ERP27: variants seen among roughly 807,000 people sequenced by gnomAD.
ERP27 encodes the protein endoplasmic reticulum protein 27, also known as endoplasmic reticulum resident protein 27.
A neutral mutation model predicts 27.7 loss-of-function variants in ERP27; 23 were observed. The ratio of observed to expected loss-of-function variants is 0.83; its 90% CI spans 0.60 to 1.18. ERP27 has a LOEUF of 1.18. ERP27 is among the 50% of genes most tolerant of loss of function. The pLI is 0.00. For synonymous variants in ERP27, 159 were observed against 118.3 expected, an observed-to-expected ratio of 1.34 and a Z score of -2.23; for missense variants, 363 against 327.9, an observed-to-expected ratio of 1.11 and a Z score of -0.83.
chr12:14,937,882 G>A (rs1332565545), intron 2 of ERP27, 70 bp downstream of exon 2: 1 of 1,295,220 alleles, frequency 7.7e-7, no homozygotes, highest in African/African-American at 1.5e-5. Flanking sequence ...GCCAGCAGCA[G>A]GTGGCTGCTG....
intron 1 of ERP27, 130 bp downstream of exon 1, chr12:14,938,285 G>T: frequency 1.2e-6 from 1 of 802,894 alleles, no homozygotes; most frequent in Non-Finnish European, 1.9e-6. Context: ...CAGGCAAAAT[G>T]CACTTATCCA....
rs371031188 is a variant in ERP27, at chr12:14,927,347, G to GTA, written c.334-6301_334-6300dup. Among the ~76,000 whole-genome samples, 773 of 149,858 alleles carry GTA rather than the reference G, an allele frequency of 5.2e-3. 4 individuals are homozygous for GTA. The highest frequency in any genetic ancestry group is 0.011 in the African/African-American group (468 of 40,904). ...TGCGTGTGTGCATGTGTGTGTGTGT[G>GTA]TATATATATATATATATCTAAAATC... On this transcript the variant is annotated intron_variant, in intron 3 of 6. Transcript: ENST00000266397.
At chr12:14,937,049 G>A (rs971994992) in intron 2 of ERP27, among the ~76,000 whole-genome samples, 3 of 152,134 alleles carry the variant, frequency 2.0e-5, no homozygotes, top group African/African-American at 7.2e-5. Flanking sequence ...GCATCTGGCG[G>A]CTGTTTAAGT....
At chr12:14,918,674 G>T (rs940630419) in intron 4 of ERP27, among the ~76,000 whole-genome samples, 1 of 152,196 alleles carries the variant, frequency 6.6e-6, no homozygotes, top group Non-Finnish European at 1.5e-5. Flanking sequence ...GGATGGGGAA[G>T]GGCACAGCTA....
chr12:14,923,288 T>A (rs1271907905), intron 3 of ERP27, among the ~76,000 whole-genome samples: 1 of 152,066 alleles, frequency 6.6e-6, no homozygotes, highest in Non-Finnish European at 1.5e-5. Context: ...AAACGCTGGC[T>A]CATCTAGGTC....
intron 3 of ERP27, among the ~76,000 whole-genome samples, chr12:14,927,347 G>GTGTGTA (rs1863619070): frequency 6.7e-6 from 1 of 149,840 alleles, no homozygotes; most frequent in African/African-American, 2.4e-5. Context: ...GTGTGTGTGT[G>GTGTGTA]TATATATATA....
At chr12:14,926,199 A>G (rs1863599919) in intron 3 of ERP27, among the ~76,000 whole-genome samples, 1 of 152,232 alleles carries the variant, frequency 6.6e-6, no homozygotes, top group African/African-American at 2.4e-5. Context: ...GAATTATTAA[A>G]TCTGTCTGGC....
chr12:14,924,665 T>A (rs1021729194), intron 3 of ERP27, among the ~76,000 whole-genome samples: 1 of 152,138 alleles, frequency 6.6e-6, no homozygotes, highest in African/African-American at 2.4e-5. Context: ...GCTCCTTTTC[T>A]CCCCAGAATG....
Position 14,938,427 on chromosome 12 carries a change from C to G in ERP27, c.82G>C (p.Glu28Gln). 6.2e-7 allele frequency: 1 copy of G among 1,614,100 alleles called. No individual in the cohort carries two copies. The highest frequency in any genetic ancestry group is 1.1e-5 in the South Asian group (1 of 91,080). ...ATTTTTCTTTTACCTGAGGATTTCT[C>G]AACTTCTGCAGCAACTTCTGCAGCC... The part of the protein sequence containing the change: ...ELAAEVAAEV[E>Q]KSSDGPGAAQ... Residue 28 changes from glutamate to glutamine, a missense_variant, in exon 1 of 7, where the codon GAG becomes CAG. Physicochemically the swap from Glu to Gln is conservative, Grantham distance 29. Transcript: ENST00000266397.
chr12:14,914,765 T>C lies in ERP27; in HGVS notation c.792A>G (p.Ser264=), dbSNP rs544941716. The C allele has an allele frequency of 2.5e-6, 4 of 1,613,892 alleles. No individual in the cohort carries two copies. The highest frequency in any genetic ancestry group is 2.7e-5 in the African/African-American group (2 of 75,070). ...SGKLLKENRE[S]EGKTPKVEL is the part of the protein sequence containing the mutation. ...GTTCCACCTTTGGAGTCTTTCCTTC[T>C]GATTCACGATTTTCTTTCTGGAAAA... Residue 264 remains serine (S), a synonymous_variant, in exon 7 of 7, where the codon TCA becomes TCG. Transcript: ENST00000266397.
rs184835786 is a variant in ERP27 at position 14,936,621 on chromosome 12, G to C, written c.195+1331C>G. ...ATCCCCATAATCCCCACATGTCAAG[G>C]GTGGGACCAGGTGGCAGTAATGGGA... On this transcript the variant is annotated intron_variant, in intron 2 of 6. Coordinates refer to ENST00000266397, the MANE Select transcript of ERP27 (RefSeq NM_152321.4). Among the ~76,000 whole-genome samples the C allele has an allele frequency of 3.2e-4, 48 of 152,220 alleles. 1 individual carries two copies. In the East Asian group the frequency reaches 9.3e-3, roughly 29 times the overall value.
At position 14,921,193 on chromosome 12, in the gene ERP27, C is replaced by A. The variant is rs78790202; in HGVS notation, c.334-145G>T. ...AGAGAGTTTCTCTGCCCTAGGGGGA[C>A]AAACTGTCCTGTAGACTCCAAAAAA... On this transcript the variant is annotated intron_variant, in intron 3 of 6. Coordinates refer to ENST00000266397, the MANE Select transcript of ERP27 (RefSeq NM_152321.4). 3.6e-3 allele frequency: 2,374 copies of A among 651,170 alleles called. 47 individuals carry two copies. In the African/African-American group the frequency reaches 0.038, roughly 11 times the overall value. The allele number at this position is 651,170 out of a possible 1,614,324, so 40.3% of individuals were successfully genotyped here.
chr12:14,933,248 G>C (rs1347679172), intron 3 of ERP27, among the ~76,000 whole-genome samples: 1 of 152,078 alleles, frequency 6.6e-6, no homozygotes, highest in Non-Finnish European at 1.5e-5. Flanking sequence ...AAAAGTGTTG[G>C]GTCAGGCAGC....
In ERP27 at chr12:14,915,498, T is replaced by C. The variant is rs755271444; in HGVS notation, c.765A>G (p.Gly255=). Residue 255 remains glycine (G), a synonymous_variant, in exon 6 of 7, where the codon GGA becomes GGG. Transcript: ENST00000266397. Reference sequence around the variant, plus strand: ...GCAGTCTCACACTTACCAACAATTTTCCACTTAGGAATCCATCACAAAAGT... The same window carrying C: ...GCAGTCTCACACTTACCAACAATTTCCCACTTAGGAATCCATCACAAAAGT... ...VQNFCDGFLS[G]KLLKENRESE... The C allele has an allele frequency of 6.2e-7, 1 of 1,613,932 alleles. No homozygotes were observed. The highest frequency in any genetic ancestry group is 8.5e-7 in the Non-Finnish European group (1 of 1,179,804).
rs752680355 is a variant in ERP27, at chr12:14,915,693, T to C, written c.577-7A>G. ...CCACCAGAATAAAGAGAATCTGCAG[T>C]TGGGGAAGTTTGAAAGAAAAAGTTC... On this transcript the variant is annotated splice_polypyrimidine_tract_variant and splice_region_variant and intron_variant, in intron 5 of 6. Transcript: ENST00000266397. The C allele has an allele frequency of 4.3e-6, 7 of 1,609,738 alleles. No individual in the cohort carries two copies. In the Admixed American group the frequency reaches 5.0e-5, roughly 12 times the overall value.
At position 14,921,050 on chromosome 12, in the gene ERP27, T is replaced by C. The variant is rs572194796; in HGVS notation, c.334-2A>G. ...TAAATTCAGTTGTTCATTGTCTACC[T>C]GGATAACACAAAAAAGAATGAAGTC... On this transcript the variant is annotated splice_acceptor_variant, in intron 3 of 6. Coordinates refer to ENST00000266397, the MANE Select transcript of ERP27 (RefSeq NM_152321.4). LOFTEE classifies it high-confidence loss of function. 6.2e-7 allele frequency: 1 copy of C among 1,609,430 alleles called. No homozygotes were observed. The highest frequency in any genetic ancestry group is 1.1e-5 in the South Asian group (1 of 90,966).
chr12:14,917,589 G>T (rs924526364), intron 4 of ERP27, among the ~76,000 whole-genome samples: 1 of 152,164 alleles, frequency 6.6e-6, no homozygotes, highest in African/African-American at 2.4e-5. Context: ...AGACATTATG[G>T]TTTCTGCTCT....
At chr12:14,916,338 CCTCTGGTA>C (rs958218291) in intron 5 of ERP27, among the ~76,000 whole-genome samples, 2 of 152,074 alleles carry the variant, frequency 1.3e-5, no homozygotes, top group African/African-American at 2.4e-5. Context: ...TTAAATTCTG[CCTCTGGTA>C]CTCTCTAGTT....
chr12:14,929,473 A>T (rs1863664769), intron 3 of ERP27, among the ~76,000 whole-genome samples: 1 of 152,240 alleles, frequency 6.6e-6, no homozygotes, highest in Non-Finnish European at 1.5e-5. Flanking sequence ...AATTATTTGC[A>T]TAATGCACTG....
Sources: allele counts gnomAD v4.1 joint callset (sites outside exome capture counted in the v4.1 genomes callset), GRCh38; gene constraint gnomAD v4.1.1; transcripts MANE v1.5; gene names NCBI Gene and HGNC (gene_info 2026-07-23, HGNC 2026-07-21).